GLIS3: variants seen among roughly 807,000 people sequenced by gnomAD.
The protein encoded by GLIS3 is zinc finger protein GLIS3.
In GLIS3, 53 loss-of-function variants were observed where a neutral mutation model predicts 78.6. The ratio of observed to expected loss-of-function variants is 0.67; its 90% confidence interval spans 0.54 to 0.85. GLIS3 has a LOEUF of 0.85. Ranked by LOEUF, GLIS3 falls within the 40% of genes least tolerant of loss-of-function variation. The pLI, the probability that GLIS3 is intolerant of heterozygous loss-of-function variation, is 0.00. For missense variants in GLIS3, 1,703 were observed against 1,231.1 expected (o/e 1.38, Z -5.74); for synonymous variants, 684 against 509.9 (o/e 1.34, Z -4.60).
chr9:4,129,087 T>C (rs1455041533), intron 2 of GLIS3, among the ~76,000 whole-genome samples: 5 of 152,194 alleles, frequency 3.3e-5, no homozygotes, highest in African/African-American at 9.7e-5. Context: ...GTCTCACACA[T>C]GCAGGCAAAC....
At chr9:3,881,780 CTG>C (rs369602979) in intron 7 of GLIS3, among the ~76,000 whole-genome samples, 43 of 152,224 alleles carry the variant, frequency 2.8e-4, no homozygotes, top group African/African-American at 1.0e-3. Context: ...CTTGGGGAAA[CTG>C]TAATTTAATG....
At chr9:4,123,217 C>T (rs1013302524) in intron 3 of GLIS3, among the ~76,000 whole-genome samples, 1 of 152,034 alleles carries the variant, frequency 6.6e-6, no homozygotes, top group South Asian at 2.1e-4. Flanking sequence ...TAACATTTTA[C>T]AGATCAAACT....
chr9:4,150,483 C>G (rs962055283), intron 2 of GLIS3, among the ~76,000 whole-genome samples: 1 of 152,224 alleles, frequency 6.6e-6, no homozygotes, highest in Non-Finnish European at 1.5e-5. Flanking sequence ...TCACCACATT[C>G]AGCCTGGTAA....
intron 2 of GLIS3, among the ~76,000 whole-genome samples, chr9:4,164,310 T>C (rs758292509): frequency 1.8e-4 from 27 of 152,262 alleles, no homozygotes; most frequent in Non-Finnish European, 3.7e-4. Context: ...CCTCCCATGC[T>C]TATGCCTCTC....
At chr9:4,173,661 AAC>A (rs1464813563) in intron 2 of GLIS3, among the ~76,000 whole-genome samples, 13 of 151,256 alleles carry the variant, frequency 8.6e-5, no homozygotes, top group African/African-American at 3.2e-4. Flanking sequence ...CAGTGGCACA[AAC>A]ACAGCTCACT....
chr9:4,229,539 G>C (rs773455993), intron 2 of GLIS3, among the ~76,000 whole-genome samples: 1 of 152,160 alleles, frequency 6.6e-6, no homozygotes, highest in Non-Finnish European at 1.5e-5. Flanking sequence ...ATCCTTAAAC[G>C]TAAAGTATTC....
chr9:4,473,756 C>A, the GLIS3 span, among the ~76,000 whole-genome samples: 5 of 151,946 alleles, frequency 3.3e-5, no homozygotes, highest in African/African-American at 4.8e-5. Context: ...ACATAACCAA[C>A]CTGCACATGC....
intron 4 of GLIS3, among the ~76,000 whole-genome samples, chr9:3,987,897 G>C (rs1453283970): frequency 1.3e-5 from 2 of 148,874 alleles, no homozygotes; most frequent in African/African-American, 5.0e-5. Flanking sequence ...AAAATCTAAA[G>C]AGAAAGAAGA....
intron 8 of GLIS3, among the ~76,000 whole-genome samples, chr9:3,871,117 C>T (rs1330582996): frequency 6.6e-6 from 1 of 152,188 alleles, no homozygotes; most frequent in Admixed American, 6.5e-5. Context: ...CTTTAAGCTC[C>T]AAAATGATCT....
the GLIS3 span, among the ~76,000 whole-genome samples, chr9:4,378,091 A>G: frequency 6.6e-6 from 1 of 152,178 alleles, no homozygotes; most frequent in African/African-American, 2.4e-5. Flanking sequence ...GAACATGAGA[A>G]GACTTTGGAG....
At chr9:4,327,434 C>T (rs1260570633) in intron 2 of GLIS3, among the ~76,000 whole-genome samples, 1 of 152,050 alleles carries the variant, frequency 6.6e-6, no homozygotes, top group Non-Finnish European at 1.5e-5. Context: ...TAGGAGGGTC[C>T]TGCAGTAGTC....
rs1179182517 is a variant in GLIS3, at chr9:3,824,252, A to G, written c.*4020T>C. 1.3e-5 allele frequency: 2 copies of G among 152,612 alleles called. No individual in the cohort carries two copies. Among genetic ancestry groups the G allele is most frequent in the Non-Finnish European group, 2.9e-5 (2 of 68,038 alleles). 9.5% of individuals were successfully genotyped at this position (152,612 alleles called of 1,614,324 possible). A position where few individuals can be genotyped will look rare whatever the true frequency, so the allele number is the denominator to read the frequency against. ...TTACTGCCATTTCCTCCTCATATCT[A>G]TAATTAAATCCAGGCTACAGCTCTG... On this transcript the variant is annotated 3_prime_UTR_variant, in exon 11 of 11. Transcript: ENST00000381971.
At chr9:3,999,439 T>C (rs192362415) in intron 4 of GLIS3, among the ~76,000 whole-genome samples, 6 of 152,266 alleles carry the variant, frequency 3.9e-5, no homozygotes, top group African/African-American at 1.2e-4. Context: ...AAAAGAAAGG[T>C]TGCATTTCTA....
At chr9:4,377,373 G>C in the GLIS3 span, among the ~76,000 whole-genome samples, 2 of 135,540 alleles carry the variant, frequency 1.5e-5, 1 homozygote, top group Non-Finnish European at 3.3e-5. Flanking sequence ...TCAGACTCCA[G>C]GTTCTTTGGC....
At chr9:4,394,077 T>C in the GLIS3 span, among the ~76,000 whole-genome samples, 1 of 148,664 alleles carries the variant, frequency 6.7e-6, no homozygotes, top group African/African-American at 2.5e-5. Flanking sequence ...AAAATTTGTC[T>C]CTTAAAAAAA....
chr9:4,257,161 T>A (rs941611955), intron 2 of GLIS3, among the ~76,000 whole-genome samples: 1 of 152,158 alleles, frequency 6.6e-6, no homozygotes, highest in Non-Finnish European at 1.5e-5. Context: ...TTATTAAGCC[T>A]TTAAAAGAAA....
chr9:3,878,478 C>T (rs914283286), intron 8 of GLIS3: 22 of 152,158 alleles, frequency 1.4e-4, no homozygotes, highest in Admixed American at 1.3e-3. Context: ...ATTAAAACCA[C>T]ATATTACCAA....
At chr9:4,225,843 T>C (rs1821723966) in intron 2 of GLIS3, among the ~76,000 whole-genome samples, 1 of 152,306 alleles carries the variant, frequency 6.6e-6, no homozygotes, top group Non-Finnish European at 1.5e-5. Context: ...AGACTGCATA[T>C]GCAATTTTTC....
intron 2 of GLIS3, among the ~76,000 whole-genome samples, chr9:4,226,464 G>C (rs561122530): frequency 6.6e-6 from 1 of 152,118 alleles, no homozygotes; most frequent in Non-Finnish European, 1.5e-5. Context: ...CTCCTCCCAA[G>C]AGAAAGTTAG....
Sources: allele counts gnomAD v4.1 joint callset (sites outside exome capture counted in the v4.1 genomes callset), GRCh38; gene constraint gnomAD v4.1.1; transcripts MANE v1.5; gene names NCBI Gene and HGNC (gene_info 2026-07-23, HGNC 2026-07-21).